The following TMTC2 variants were observed in gnomAD, a reference collection of about 807,000 sequenced individuals.
TMTC2 encodes transmembrane O-mannosyltransferase targeting cadherins 2.
Under a neutral mutation model 82.4 loss-of-function variants are expected in TMTC2, and 43 were observed. The observed-to-expected ratio is 0.52, with a 90% CI of 0.41 to 0.67. The LOEUF (loss-of-function observed/expected upper bound fraction) is 0.67, where lower values mean the gene tolerates loss of function less well. Ranked by LOEUF, TMTC2 falls within the 30% of genes least tolerant of loss-of-function variation. The pLI, the probability that TMTC2 is intolerant of heterozygous loss-of-function variation, is 0.00. For synonymous variants in TMTC2, 408 were observed against 381.9 expected (o/e 1.07, Z -0.80); for missense variants, 919 against 1,012.4 (o/e 0.91, Z 1.25).
In TMTC2 at chr12:83,036,828, C is replaced by CT. The variant is rs549006603; in HGVS notation, c.2152+5955dup. ...GCATTGCCTTTGCTTCTGGTGAGGG[C>CT]TTTTTTCTACCTCATAACTTGGTGG... is the stretch of plus-strand genomic sequence containing the variant. On this transcript the variant is annotated intron_variant, in intron 9 of 11. Coordinates refer to ENST00000321196, the MANE Select transcript of TMTC2 (RefSeq NM_152588.3). Among the ~76,000 whole-genome samples the CT allele has an allele frequency of 2.0e-5, 3 of 152,108 alleles. No homozygotes were observed. In the East Asian group the frequency reaches 5.8e-4, roughly 29 times the overall value.
At chr12:83,094,152 C>G (rs573929882) in intron 11 of TMTC2, among the ~76,000 whole-genome samples, 1 of 152,222 alleles carries the variant, frequency 6.6e-6, no homozygotes, top group Non-Finnish European at 1.5e-5. Context: ...GTAGATAATG[C>G]AGTCCTGTAG....
At chr12:82,823,816 C>A (rs377253966) in intron 1 of TMTC2, among the ~76,000 whole-genome samples, 30 of 151,854 alleles carry the variant, frequency 2.0e-4, no homozygotes, top group African/African-American at 7.3e-4. Context: ...CCTCTGTTCA[C>A]CCCCTCCACC....
At chr12:82,949,982 G>A (rs960826378) in intron 4 of TMTC2, among the ~76,000 whole-genome samples, 4 of 152,140 alleles carry the variant, frequency 2.6e-5, no homozygotes, top group South Asian at 2.1e-4. Context: ...TACATGTTGG[G>A]AAGTGCATGT....
intron 1 of TMTC2, among the ~76,000 whole-genome samples, chr12:82,748,729 TAGC>T (rs1592897391): frequency 6.6e-6 from 1 of 151,936 alleles, no homozygotes; most frequent in Admixed American, 6.6e-5. Flanking sequence ...TACAAAAAAT[TAGC>T]AGGGTGTGGT....
intron 9 of TMTC2, among the ~76,000 whole-genome samples, chr12:83,050,321 A>G (rs553721184): frequency 1.5e-5 from 2 of 136,096 alleles, no homozygotes; most frequent in East Asian, 5.0e-4. Context: ...TTTCTGGGAT[A>G]GCATTATATA....
chr12:82,844,008 G>A (rs1242589875), intron 1 of TMTC2, among the ~76,000 whole-genome samples: 1 of 152,178 alleles, frequency 6.6e-6, no homozygotes, highest in Non-Finnish European at 1.5e-5. Flanking sequence ...AGTATTAGGT[G>A]AGCAGATAAG....
chr12:82,937,448 A>G (rs1402402801), intron 4 of TMTC2, among the ~76,000 whole-genome samples: 1 of 152,130 alleles, frequency 6.6e-6, no homozygotes, highest in Admixed American at 6.5e-5. Flanking sequence ...CCTACCCATA[A>G]TAATGAATTA....
At chr12:82,981,621 G>A (rs913466017) in intron 7 of TMTC2, among the ~76,000 whole-genome samples, 17 of 151,802 alleles carry the variant, frequency 1.1e-4, no homozygotes, top group African/African-American at 2.9e-4. Flanking sequence ...AATAGTCATC[G>A]TTGTTTCTTT....
chr12:82,715,420 G>T (rs1181600018), intron 1 of TMTC2, among the ~76,000 whole-genome samples: 2 of 152,156 alleles, frequency 1.3e-5, no homozygotes, highest in Non-Finnish European at 2.9e-5. Context: ...AAGTGTGGAT[G>T]ATTTTAGGGG....
intron 2 of TMTC2, among the ~76,000 whole-genome samples, chr12:82,863,079 G>C (rs905520896): frequency 1.3e-5 from 2 of 152,116 alleles, no homozygotes; most frequent in African/African-American, 4.8e-5. Context: ...TGCTGGGGAT[G>C]GCTTTGATGG....
chr12:83,043,689 T>C (rs1287832645), intron 9 of TMTC2, among the ~76,000 whole-genome samples: 1 of 152,206 alleles, frequency 6.6e-6, no homozygotes, highest in Non-Finnish European at 1.5e-5. Context: ...TCTCCTCTAA[T>C]AAAATGGAAC....
intron 9 of TMTC2, among the ~76,000 whole-genome samples, chr12:83,033,657 A>T (rs941422902): frequency 1.3e-5 from 2 of 152,026 alleles, no homozygotes; most frequent in Admixed American, 6.6e-5. Flanking sequence ...AGGCTGAGGC[A>T]GGAGAATCAC....
At chr12:83,029,739 C>T (rs73134019) in intron 8 of TMTC2, among the ~76,000 whole-genome samples, 28,240 of 152,092 alleles carry the variant, frequency 0.19, 2,679 homozygotes, top group Middle Eastern at 0.25. Flanking sequence ...CTTGTGCCAT[C>T]CTTCTGTGTT....
At chr12:82,903,744 T>A (rs149729919) in intron 3 of TMTC2, among the ~76,000 whole-genome samples, 5 of 152,310 alleles carry the variant, frequency 3.3e-5, no homozygotes, top group African/African-American at 4.8e-5. Flanking sequence ...ATGGCATAGA[T>A]GCTGCAACGA....
chr12:82,916,883 A>G (rs1431861492), intron 3 of TMTC2, among the ~76,000 whole-genome samples: 1 of 152,250 alleles, frequency 6.6e-6, no homozygotes, highest in East Asian at 1.9e-4. Flanking sequence ...ATATAAGTAC[A>G]TAGGATATGT....
intron 1 of TMTC2, among the ~76,000 whole-genome samples, chr12:82,855,766 CT>C (rs767593963): frequency 6.6e-6 from 1 of 152,144 alleles, no homozygotes; most frequent in Non-Finnish European, 1.5e-5. Flanking sequence ...GTCTTTAATC[CT>C]TTTCTTTATA....
At position 82,821,889 on chromosome 12, in the gene TMTC2, A is replaced by G. The variant is rs1040520515; in HGVS notation, c.84-35121A>G. On this transcript the variant is annotated intron_variant, in intron 1 of 11. Transcript: ENST00000321196. ...GGGTGACAGAGCAAGACTCCGTCTC[A>G]AAAAAAAAAAAAAAAAAAGCTAGAT... Among the ~76,000 whole-genome samples the G allele has an allele frequency of 6.9e-5, 7 of 101,794 alleles. No homozygotes were observed. The South Asian group carries it at 1.0e-3, about 15-fold the overall frequency. 66.8% of individuals were successfully genotyped at this position (101,794 alleles called of 152,430 possible). A position where few individuals can be genotyped will look rare whatever the true frequency, so the allele number is the denominator to read the frequency against.
chr12:82,807,751 G>T (rs1260821790), intron 1 of TMTC2, among the ~76,000 whole-genome samples: 1 of 152,026 alleles, frequency 6.6e-6, no homozygotes, highest in Admixed American at 6.6e-5. Context: ...AAGTAGACCA[G>T]TGATCTAATA....
chr12:82,693,256 T>G (rs2136885978), intron 1 of TMTC2, among the ~76,000 whole-genome samples: 1 of 152,344 alleles, frequency 6.6e-6, no homozygotes, highest in South Asian at 2.1e-4. Context: ...TGTTTATTTT[T>G]ATTGATACTC....
Sources: allele counts gnomAD v4.1 joint callset (sites outside exome capture counted in the v4.1 genomes callset), GRCh38; gene constraint gnomAD v4.1.1; transcripts MANE v1.5; gene names NCBI Gene and HGNC (gene_info 2026-07-23, HGNC 2026-07-21).